GET1: variants seen among roughly 807,000 people sequenced by gnomAD.
GET1 encodes congenital heart disease 5 protein.
A neutral mutation model predicts 22.6 loss-of-function variants in GET1; 20 were observed. The ratio of observed to expected loss-of-function variants is 0.89; its 90% CI spans 0.62 to 1.29. The LOEUF (loss-of-function observed/expected upper bound fraction) is 1.29, where lower values mean the gene tolerates loss of function less well. Among genes scored for constraint, GET1 ranks in the 50% most tolerant of loss-of-function variants. The pLI, the probability that GET1 is intolerant of heterozygous loss-of-function variation, is 0.00. For missense variants in GET1, 209 were observed against 219.9 expected, an observed-to-expected ratio of 0.95 and a Z score of 0.31; for synonymous variants, 92 against 83.8, an observed-to-expected ratio of 1.10 and a Z score of -0.53.
rs76837332 is a variant in GET1 at position 39,423,563 on chromosome 21, T to C, written c.*24-4669T>C. On this transcript the variant is annotated intron_variant, in intron 1 of 1. Transcript: ENST00000478273. ...TGCAAATATGCACATATGCATAATC[T>C]CTCTCCCATGCCCCCATGCACACAC... is the stretch of plus-strand genomic sequence containing the variant. The C allele has an allele frequency of 2.6e-3, 3,378 of 1,309,120 alleles. 81 individuals carry two copies. The African/African-American group carries it at 0.045, about 17-fold the overall frequency. The allele number at this position is 1,309,120 out of a possible 1,614,324, so 81.1% of individuals were successfully genotyped here. A position where few individuals can be genotyped will look rare whatever the true frequency, so the allele number is the denominator to read the frequency against.
chr21:39,391,878 AC>A, intron 3 of GET1, 42 bp downstream of exon 3: 1 of 1,604,368 alleles, frequency 6.2e-7, no homozygotes, highest in Non-Finnish European at 8.5e-7. Context: ...GGAGTTGGTG[AC>A]CCCGGCCTCC....
intron 1 of GET1, among the ~76,000 whole-genome samples, chr21:39,383,053 C>T (rs2037655843): frequency 6.7e-6 from 1 of 150,166 alleles, no homozygotes; most frequent in Non-Finnish European, 1.5e-5. Flanking sequence ...CGGGTTCACA[C>T]CATTCTCCTG....
chr21:39,414,679 A>G (rs542164877), intron 1 of GET1, among the ~76,000 whole-genome samples: 1 of 151,266 alleles, frequency 6.6e-6, no homozygotes, highest in African/African-American at 2.4e-5. Flanking sequence ...AGGCTAGGTC[A>G]TAAAAGGCAG....
At chr21:39,402,254 C>T (rs969239822), downstream of GET1, among the ~76,000 whole-genome samples, 12 of 152,142 alleles carry the variant, frequency 7.9e-5, no homozygotes, top group East Asian at 3.9e-4. Context: ...CAGGCGTGCA[C>T]GACCACACCT....
intron 1 of GET1, among the ~76,000 whole-genome samples, chr21:39,383,234 T>G (rs551695245): frequency 0.012 from 1,832 of 148,290 alleles, 18 homozygotes; most frequent in Middle Eastern, 0.023. Flanking sequence ...GATTACAGGC[T>G]TGTGCCACCG....
chr21:39,398,060 T>C (rs2038742375), downstream of GET1, among the ~76,000 whole-genome samples: 1 of 152,184 alleles, frequency 6.6e-6, no homozygotes, highest in Non-Finnish European at 1.5e-5. Flanking sequence ...CAAACACACA[T>C]GCACGCAGGC....
chr21:39,406,450 C>G (rs564339950), exon 5 of GET1: 1 of 1,614,040 alleles, frequency 6.2e-7, no homozygotes, highest in Admixed American at 1.7e-5. Flanking sequence ...TTCTTGATTG[C>G]TTTCTCTTTC....
In GET1 at chr21:39,380,496, T is replaced by C; in HGVS notation, c.102+10T>C. 1 of 1,607,608 alleles carries C rather than the reference T, an allele frequency of 6.2e-7. No individual in the cohort carries two copies. Among genetic ancestry groups the C allele is most frequent in the South Asian group, 1.1e-5 (1 of 89,926 alleles). On this transcript the variant is annotated intron_variant, in intron 1 of 4. Coordinates refer to ENST00000649170, the MANE Select transcript of GET1 (RefSeq NM_004627.6). ...GTCCTTCTCATCCTTCGTAAGTGGCTGCCTGGCCTCCCAAGGGCCGGTGGG... is the reference window on the plus strand; with the variant it reads ...GTCCTTCTCATCCTTCGTAAGTGGCCGCCTGGCCTCCCAAGGGCCGGTGGG...
downstream of GET1, chr21:39,410,483 T>C: frequency 1.7e-6 from 1 of 577,106 alleles, no homozygotes; most frequent in South Asian, 2.5e-5. Context: ...AAGTATTTTC[T>C]AAATATTCAA....
intron 1 of GET1, chr21:39,411,937 C>CAT: frequency 1.8e-6 from 1 of 571,236 alleles, no homozygotes; most frequent in Non-Finnish European, 3.2e-6. Flanking sequence ...AGAAATAGGC[C>CAT]ATATCATCCT....
intron 4 of GET1, among the ~76,000 whole-genome samples, chr21:39,393,945 C>T (rs2038474094): frequency 1.3e-5 from 2 of 152,148 alleles, no homozygotes; most frequent in Admixed American, 1.3e-4. Context: ...CCACTATGCC[C>T]AGCCACGTTC....
rs1488218339 is a variant in GET1 at position 39,397,088 on chromosome 21, A to G, written c.*149A>G. The G allele has an allele frequency of 2.4e-6, 2 of 827,284 alleles. No homozygotes were observed. The highest frequency in any genetic ancestry group is 3.7e-6 in the Non-Finnish European group (2 of 538,026). 51.2% of individuals were successfully genotyped at this position (827,284 alleles called of 1,614,324 possible). On this transcript the variant is annotated 3_prime_UTR_variant, in exon 5 of 5. Coordinates refer to ENST00000649170, the MANE Select transcript of GET1 (RefSeq NM_004627.6). Reference sequence around the variant, plus strand: ...AATATGTTTGTTCTTGGACTTTATGAGAGAGTCTTATAAGAATCACGATTT... The same window carrying G: ...AATATGTTTGTTCTTGGACTTTATGGGAGAGTCTTATAAGAATCACGATTT...
chr21:39,406,261 T>G, exon 5 of GET1: 1 of 1,614,220 alleles, frequency 6.2e-7, no homozygotes, highest in Non-Finnish European at 8.5e-7. Flanking sequence ...GTTGCCGGCA[T>G]TGGCTGGCCC....
chr21:39,383,635 G>A (rs1325099669), intron 1 of GET1, among the ~76,000 whole-genome samples: 1 of 147,914 alleles, frequency 6.8e-6, no homozygotes, highest in Non-Finnish European at 1.5e-5. Flanking sequence ...CTGGAGTGCA[G>A]TGGCTCAATC....
downstream of GET1, among the ~76,000 whole-genome samples, chr21:39,401,117 T>G (rs1256462904): frequency 1.3e-5 from 2 of 152,120 alleles, no homozygotes; most frequent in African/African-American, 4.8e-5. Flanking sequence ...GGTCTGACTG[T>G]GTTCCCAGGT....
Position 39,397,098 on chromosome 21 carries a change from A to C in GET1, c.*159A>C. The C allele has an allele frequency of 1.4e-6, 1 of 736,082 alleles. No homozygotes were observed. Among genetic ancestry groups the C allele is most frequent in the South Asian group, 1.9e-5 (1 of 52,682 alleles). The allele number at this position is 736,082 out of a possible 1,614,324, so 45.6% of individuals were successfully genotyped here. A position where few individuals can be genotyped will look rare whatever the true frequency, so the allele number is the denominator to read the frequency against. The stretch of plus-strand genomic sequence containing the variant: ...TTCTTGGACTTTATGAGAGAGTCTT[A>C]TAAGAATCACGATTTTCTACACCTG... On this transcript the variant is annotated 3_prime_UTR_variant, in exon 5 of 5. Transcript: ENST00000649170.
intron 1 of GET1, among the ~76,000 whole-genome samples, chr21:39,419,157 C>A (rs2041832015): frequency 1.3e-5 from 2 of 152,076 alleles, no homozygotes; most frequent in South Asian, 4.1e-4. Context: ...CTCCTCACCC[C>A]CCACTATTCT....
At chr21:39,427,533 G>C (rs2147892735) in intron 1 of GET1, among the ~76,000 whole-genome samples, 1 of 152,046 alleles carries the variant, frequency 6.6e-6, no homozygotes, top group Admixed American at 6.6e-5. Flanking sequence ...GTGGTGGTGG[G>C]TGCCTGTAGT....
chr21:39,407,185 C>T (rs2039212581), downstream of GET1, among the ~76,000 whole-genome samples: 1 of 152,194 alleles, frequency 6.6e-6, no homozygotes, highest in Non-Finnish European at 1.5e-5. Context: ...CGTGACTGTG[C>T]CACTGCATAC....
Sources: gnomAD v4.1 joint callset for allele counts (sites outside exome capture counted in the v4.1 genomes callset) on GRCh38, gnomAD v4.1.1 for gene constraint, MANE v1.5 for transcripts, NCBI Gene and HGNC (gene_info 2026-07-23, HGNC 2026-07-21) for gene names.